The following CCDC88C variants were observed in gnomAD, a reference collection of about 807,000 sequenced individuals.
The protein encoded by CCDC88C is coiled-coil and HOOK domain protein 88C, also known as protein Daple.
Under a neutral mutation model 198.8 loss-of-function variants are expected in CCDC88C, and 131 were observed. The ratio of observed to expected loss-of-function variants is 0.66; its 90% CI spans 0.57 to 0.76. The LOEUF is 0.76. Among genes scored for constraint, CCDC88C ranks in the 30% least tolerant of loss-of-function variants. The probability of loss-of-function intolerance (pLI) is 0.00; values close to 1 mark genes in which losing one functional copy is unlikely to be tolerated. For missense variants in CCDC88C, 2,553 were observed against 2,631.6 expected (o/e 0.97, Z 0.65); for synonymous variants, 1,166 against 1,114.7 (o/e 1.05, Z -0.92).
At chr14:91,281,159 C>T in intron 27 of CCDC88C, 1 of 571,432 alleles carries the variant, frequency 1.7e-6, no homozygotes, top group Non-Finnish European at 3.2e-6. Context: ...GAACGCTCCC[C>T]ACCTGGGCCA....
At position 91,272,482 on chromosome 14, in the gene CCDC88C, C is replaced by T. The variant is rs1419170019; in HGVS notation, c.*143G>A. 4 of 838,594 alleles carry T rather than the reference C, an allele frequency of 4.8e-6. No individual in the cohort carries two copies. The East Asian group carries it at 7.7e-5, about 16-fold the overall frequency. 51.9% of individuals were successfully genotyped at this position (838,594 alleles called of 1,614,324 possible). On this transcript the variant is annotated 3_prime_UTR_variant, in exon 30 of 30. Transcript: ENST00000389857. ...GGGCTTGGCACAGTGTTTCCATTCA[C>T]AGAACAAACAGCAGAAATGCGTGGG...
intron 10 of CCDC88C, among the ~76,000 whole-genome samples, chr14:91,332,155 T>A (rs971042481): frequency 6.6e-6 from 1 of 152,176 alleles, no homozygotes; most frequent in African/African-American, 2.4e-5. Context: ...GCACACAGCA[T>A]CTATGCATCT....
Position 91,325,967 on chromosome 14 carries a change from G to T in CCDC88C, c.1140C>A (p.Val380=). ...GCAGGTTCTCCTTTTCCAGCTCATG[G>T]ACTTTATCGCCCCGGGCCCGAGCAG... ...LTAARARGDK[V]HELEKENLQL... The change falls in exon 11 of 30, where the codon GTC becomes GTA. Residue 380 remains valine (V), a synonymous_variant. Transcript: ENST00000389857. This position sits in a 1 kb window ranked among gnomAD's most constrained non-coding sequence, Gnocchi z 4.1. 1.3e-6 allele frequency: 2 copies of T among 1,574,060 alleles called. No homozygotes were observed. The highest frequency in any genetic ancestry group is 1.7e-6 in the Non-Finnish European group (2 of 1,158,756).
rs1011419388 is a variant in CCDC88C, at chr14:91,338,140, G to A, written c.915C>T (p.Ala305=). The change falls in exon 10 of 30, where the codon GCC becomes GCT. Residue 305 remains alanine (A), a synonymous_variant. Coordinates refer to ENST00000389857, the MANE Select transcript of CCDC88C (RefSeq NM_001080414.4). The surrounding 1 kb of genome is among the most constrained non-coding windows in gnomAD (Gnocchi z 4.8). ...KQENIQLAAD[A]RSARAYRDEL... ...CGTCTCGATAGGCACGAGCAGACCG[G>A]GCGTCTGCCGCTAGCTGGATGTTCT... The A allele has an allele frequency of 5.6e-6, 9 of 1,613,748 alleles. No homozygotes were observed. The Admixed American group carries it at 1.0e-4, about 18-fold the overall frequency.
Position 91,284,795 on chromosome 14 carries a change from T to C in CCDC88C, c.4442-1278A>G, listed in dbSNP as rs940794896. Among the ~76,000 whole-genome samples the C allele has an allele frequency of 6.6e-5, 10 of 152,236 alleles. No individual in the cohort carries two copies. The East Asian group carries it at 1.5e-3, about 23-fold the overall frequency. On this transcript the variant is annotated intron_variant, in intron 25 of 29. Transcript: ENST00000389857. The surrounding 1 kb of genome is among the most constrained non-coding windows in gnomAD (Gnocchi z 4.1). The stretch of plus-strand genomic sequence containing the variant: ...TACTAATCTTTCCTTTTAATACATT[T>C]AACTACAAACTGTGAATCAATGTAA...
chr14:91,311,206 C>T (rs1891808531), intron 15 of CCDC88C, among the ~76,000 whole-genome samples: 2 of 152,222 alleles, frequency 1.3e-5, no homozygotes, highest in Admixed American at 1.3e-4. Flanking sequence ...CTGTGATGAG[C>T]AGCAGAGATG....
In CCDC88C at chr14:91,381,625, G is replaced by T. The variant is rs116717491; in HGVS notation, c.271-21914C>A. On this transcript the variant is annotated intron_variant, in intron 3 of 29. Coordinates refer to ENST00000389857, the MANE Select transcript of CCDC88C (RefSeq NM_001080414.4). This position sits in a 1 kb window ranked among gnomAD's most constrained non-coding sequence, Gnocchi z 4.2. ...AGTTGGGTGGATCAATTGAAGTCAG[G>T]AGTTCGAGACCACCCTGGCCAACTT... Among the ~76,000 whole-genome samples, 2,525 of 152,232 alleles carry T rather than the reference G, an allele frequency of 0.017. 73 individuals are homozygous for T. Among genetic ancestry groups the T allele is most frequent in the African/African-American group, 0.058 (2,417 of 41,512 alleles).
At chr14:91,305,701 C>T in intron 19 of CCDC88C, 64 bp downstream of exon 19, 1 of 1,520,606 alleles carries the variant, frequency 6.6e-7, no homozygotes, top group East Asian at 2.3e-5. Flanking sequence ...CCAGTTGGTC[C>T]CCAGGAGCCA....
intron 26 of CCDC88C, among the ~76,000 whole-genome samples, chr14:91,281,829 A>T (rs1447807794): frequency 6.6e-6 from 1 of 152,196 alleles, no homozygotes; most frequent in Non-Finnish European, 1.5e-5. Context: ...CTGAATATTG[A>T]GTATCCTGGG....
chr14:91,352,825 C>T lies in CCDC88C; in HGVS notation c.340+6817G>A, dbSNP rs765173575. ...GAGCCAGGGGCAGGACTGGGAGGGC[C>T]GCAGGGCCAGGAAGACAGGGCTTTT... On this transcript the variant is annotated intron_variant, in intron 4 of 29. Transcript: ENST00000389857. The surrounding 1 kb of genome is among the most constrained non-coding windows in gnomAD (Gnocchi z 4.2). Among the ~76,000 whole-genome samples the T allele has an allele frequency of 2.6e-5, 4 of 152,136 alleles. No individual in the cohort carries two copies. The highest frequency in any genetic ancestry group is 4.4e-5 in the Non-Finnish European group (3 of 68,034).
intron 4 of CCDC88C, among the ~76,000 whole-genome samples, chr14:91,355,589 G>A (rs975107809): frequency 1.3e-5 from 2 of 152,210 alleles, no homozygotes; most frequent in Non-Finnish European, 2.9e-5. Context: ...CACAGCGTAA[G>A]GGAGTGAGGA....
rs751704870 is a variant in CCDC88C at position 91,283,370 on chromosome 14, G to C, written c.4589C>G (p.Ser1530Cys). The C allele has an allele frequency of 1.2e-6, 2 of 1,613,860 alleles. No individual in the cohort carries two copies. Among genetic ancestry groups the C allele is most frequent in the Admixed American group, 3.3e-5 (2 of 60,008 alleles). ...CSTSATTTAP[S>C]NSTPIARHPG... Reference sequence around the variant, plus strand: ...GTGCCGGGCGATGGGGGTGGAGTTGGAAGGGGCTGTAGTGGTGGCTGAAGT... The same window carrying C: ...GTGCCGGGCGATGGGGGTGGAGTTGCAAGGGGCTGTAGTGGTGGCTGAAGT... Residue 1530 changes from serine to cysteine, a missense_variant, in exon 26 of 30, where the codon TCC becomes TGC. Coordinates refer to ENST00000389857, the MANE Select transcript of CCDC88C (RefSeq NM_001080414.4).
chr14:91,417,583 A>G, intron 1 of CCDC88C, 48 bp downstream of exon 1: 1 of 1,539,498 alleles, frequency 6.5e-7, no homozygotes, highest in East Asian at 2.5e-5. Context: ...GCCGGGCTAG[A>G]GAGAAGCCGG....
chr14:91,324,602 C>T (rs147887749), intron 12 of CCDC88C, among the ~76,000 whole-genome samples, 177 bp downstream of exon 12: 3 of 152,360 alleles, frequency 2.0e-5, no homozygotes, highest in Non-Finnish European at 4.4e-5. Flanking sequence ...CCAGACCCCT[C>T]GTGTCTTCCC....
At chr14:91,348,108 C>T (rs1478523907) in intron 4 of CCDC88C, among the ~76,000 whole-genome samples, 2 of 152,000 alleles carry the variant, frequency 1.3e-5, no homozygotes, top group Non-Finnish European at 2.9e-5. Context: ...TGGGTTCAAG[C>T]GATTCTCCTG....
rs1185878932 is a variant in CCDC88C at position 91,272,823 on chromosome 14, T to C, written c.5889A>G (p.Ser1963=). 1 of 1,596,146 alleles carries C rather than the reference T, an allele frequency of 6.3e-7. No individual in the cohort carries two copies. Among genetic ancestry groups the C allele is most frequent in the Non-Finnish European group, 8.5e-7 (1 of 1,171,880 alleles). ...CCTGCCCCGGGACCCCGTCTCCCTCTGAGAGGCTGAGCCCTGCCCGGACAG... is the reference window on the plus strand; with the variant it reads ...CCTGCCCCGGGACCCCGTCTCCCTCCGAGAGGCTGAGCCCTGCCCGGACAG... ...ITPVRAGLSL[S]EGDGVPGQGC... is the part of the protein sequence containing the mutation. Residue 1963 remains serine, a synonymous_variant, in exon 30 of 30, where the codon TCA becomes TCG. Transcript: ENST00000389857.
At chr14:91,316,546 C>T (rs1892106038) in intron 13 of CCDC88C, among the ~76,000 whole-genome samples, 1 of 152,128 alleles carries the variant, frequency 6.6e-6, no homozygotes, top group Non-Finnish European at 1.5e-5. Flanking sequence ...CCTCAGCCTC[C>T]TGAGTAACTA....
rs3950029 is a variant in CCDC88C, at chr14:91,283,421, G to C, written c.4538C>G (p.Ser1513Trp). The C allele has an allele frequency of 6.2e-7, 1 of 1,613,564 alleles. No individual in the cohort carries two copies. The highest frequency in any genetic ancestry group is 1.3e-5 in the African/African-American group (1 of 74,922). Residue 1513 changes from serine (S) to tryptophan (W), a missense_variant, in exon 26 of 30, where the codon TCG (serine) becomes TGG (tryptophan). By Grantham distance (177) the Ser-to-Trp change is radical. This residue lies in a region of CCDC88C where 1,293 missense variants were observed against 1,219.6 expected (regional missense o/e 1.06). Coordinates refer to ENST00000389857, the MANE Select transcript of CCDC88C (RefSeq NM_001080414.4). ...STDLAMRSWP[S>W]ELGSRTCSTS... ...TGAGCAAGTCCGGGAGCCCAGCTCC[G>C]AGGGCCAGGACCTCATGGCCAGATC...
At chr14:91,315,473 AC>A (rs1010074639) in intron 14 of CCDC88C, among the ~76,000 whole-genome samples, 176 bp downstream of exon 14, 17 of 152,002 alleles carry the variant, frequency 1.1e-4, no homozygotes, top group African/African-American at 3.9e-4. Flanking sequence ...GGCAAAATTC[AC>A]CCCACCTTTT....
Sources: gnomAD v4.1 joint callset for allele counts (sites outside exome capture counted in the v4.1 genomes callset) on GRCh38, gnomAD v4.1.1 for gene constraint, gnomAD v4.1.1 regional missense constraint, Gnocchi (gnomAD v3.1) non-coding constraint, MANE v1.5 for transcripts, NCBI Gene and HGNC (gene_info 2026-07-23, HGNC 2026-07-21) for gene names.